The following DOCK3 variants were observed in gnomAD, a reference collection of about 807,000 sequenced individuals.
DOCK3 encodes the protein dedicator of cytokinesis 3, also known as dedicator of cytokinesis protein 3.
Under a neutral mutation model 265.6 loss-of-function variants are expected in DOCK3, and 60 were observed. The ratio of observed to expected loss-of-function variants is 0.23; its 90% CI spans 0.18 to 0.28. The LOEUF is 0.28. Among genes scored for constraint, DOCK3 ranks in the 10% least tolerant of loss-of-function variants. The pLI, the probability that DOCK3 is intolerant of heterozygous loss-of-function variation, is 1.00. For synonymous variants in DOCK3, 881 were observed against 938.0 expected, an observed-to-expected ratio of 0.94 and a Z score of 1.11; for missense variants, 1,981 against 2,594.3, an observed-to-expected ratio of 0.76 and a Z score of 5.14.
chr3:50,946,097 A>AT (rs1200561753), intron 5 of DOCK3, among the ~76,000 whole-genome samples: 3 of 147,380 alleles, frequency 2.0e-5, no homozygotes, highest in African/African-American at 7.5e-5. Flanking sequence ...CATCTCTTAA[A>AT]AAAAAAAAAA....
At chr3:50,963,480 A>G in intron 5 of DOCK3, among the ~76,000 whole-genome samples, 1 of 152,240 alleles carries the variant, frequency 6.6e-6, no homozygotes, top group African/African-American at 2.4e-5. Flanking sequence ...ATAACACATC[A>G]TGACCAAATA....
chr3:51,341,503 GGTGCCTATCTAT>G lies in DOCK3; in HGVS notation c.3915+126_3915+137del, dbSNP rs1163800364. On this transcript the variant is annotated intron_variant, in intron 38 of 52. Transcript: ENST00000266037. ...TAGTGTGTGGGGTGGTGAGTGGGTG[GGTGCCTATCTAT>G]GTGCCTAAGATGTGGAGGCAGCATG... 4.2e-6 allele frequency: 6 copies of G among 1,426,150 alleles called. No individual in the cohort carries two copies. In the African/African-American group the frequency reaches 8.5e-5, roughly 20 times the overall value. 88.3% of individuals were successfully genotyped at this position (1,426,150 alleles called of 1,614,324 possible).
intron 14 of DOCK3, among the ~76,000 whole-genome samples, chr3:51,221,335 A>G (rs933696082): frequency 1.3e-5 from 2 of 152,190 alleles, no homozygotes; most frequent in African/African-American, 2.4e-5. Context: ...TTCTTCACAC[A>G]TAAACGTTCC....
intron 5 of DOCK3, among the ~76,000 whole-genome samples, chr3:50,982,339 C>T (rs1249208363): frequency 2.0e-5 from 3 of 151,948 alleles, no homozygotes; most frequent in African/African-American, 7.3e-5. Flanking sequence ...TTATTTCTTC[C>T]TGTATTTTTG....
At chr3:51,280,762 A>G (rs147425054) in intron 27 of DOCK3, among the ~76,000 whole-genome samples, 13 of 152,284 alleles carry the variant, frequency 8.5e-5, no homozygotes, top group Non-Finnish European at 1.8e-4. Flanking sequence ...TTCATAATAT[A>G]AAACACCTGT....
chr3:50,862,979 G>A (rs1295508609), intron 3 of DOCK3, among the ~76,000 whole-genome samples: 1 of 152,208 alleles, frequency 6.6e-6, no homozygotes, highest in Non-Finnish European at 1.5e-5. Context: ...AGCAGTTAGG[G>A]TGGGAGAGGG....
intron 5 of DOCK3, 33 bp from the exon 6 acceptor site, chr3:51,064,415 G>A (rs768289843): frequency 1.9e-6 from 3 of 1,611,080 alleles, no homozygotes; most frequent in Non-Finnish European, 2.5e-6. Flanking sequence ...CATGTCTCTT[G>A]TATTTCACCC....
At chr3:51,069,705 A>G (rs1056082981) in intron 6 of DOCK3, among the ~76,000 whole-genome samples, 9 of 151,762 alleles carry the variant, frequency 5.9e-5, no homozygotes, top group Non-Finnish European at 7.4e-5. Context: ...TAACCCATCT[A>G]TATCTCTTTC....
chr3:51,211,102 C>T (rs1380226757), intron 13 of DOCK3, among the ~76,000 whole-genome samples: 1 of 152,108 alleles, frequency 6.6e-6, no homozygotes, highest in African/African-American at 2.4e-5. Flanking sequence ...ATTTCCATAT[C>T]TTGGGCTGAC....
chr3:51,064,090 C>T (rs762947410), intron 5 of DOCK3, among the ~76,000 whole-genome samples: 15 of 152,166 alleles, frequency 9.9e-5, no homozygotes, highest in Non-Finnish European at 2.1e-4. Context: ...GAAATTTTTG[C>T]TTTTATGTGA....
At chr3:50,974,524 G>T (rs1324137185) in intron 5 of DOCK3, among the ~76,000 whole-genome samples, 1 of 151,856 alleles carries the variant, frequency 6.6e-6, no homozygotes, top group Non-Finnish European at 1.5e-5. Flanking sequence ...CCAGTAGCAT[G>T]CTGTTTTGGT....
chr3:51,223,100 A>G lies in DOCK3; in HGVS notation c.1253-2549A>G, dbSNP rs544991401. Among the ~76,000 whole-genome samples, 51 of 152,270 alleles carry G rather than the reference A, an allele frequency of 3.3e-4. 1 individual carries two copies. In the South Asian group the frequency reaches 1.0e-2, roughly 30 times the overall value. On this transcript the variant is annotated intron_variant, in intron 14 of 52. Transcript: ENST00000266037. ...ACTACAGGTGTACACTACCATGTTT[A>G]GCTAATTTTAAAAAATTTGTTTTGA...
chr3:51,328,825 A>G (rs2084325920), intron 32 of DOCK3, among the ~76,000 whole-genome samples: 1 of 152,320 alleles, frequency 6.6e-6, no homozygotes, highest in Non-Finnish European at 1.5e-5. Context: ...GTTTATATGA[A>G]ATAATAAATA....
intron 5 of DOCK3, among the ~76,000 whole-genome samples, chr3:51,002,559 A>T (rs2108697470): frequency 6.6e-6 from 1 of 152,354 alleles, no homozygotes; most frequent in South Asian, 2.1e-4. Flanking sequence ...TAAGTTGTAT[A>T]GTCTTATAAC....
rs1394180804 is a variant in DOCK3, at chr3:50,774,149, A to T, written c.38-4526A>T. On this transcript the variant is annotated intron_variant, in intron 1 of 52. Coordinates refer to ENST00000266037, the MANE Select transcript of DOCK3 (RefSeq NM_004947.5). ...ACTCATGGTATATACATTTTTTCACAGCTTGTTTTCTTTACAACTGAGAGG... is the reference window on the plus strand; with the variant it reads ...ACTCATGGTATATACATTTTTTCACTGCTTGTTTTCTTTACAACTGAGAGG... Among the ~76,000 whole-genome samples, 3 of 152,098 alleles carry T rather than the reference A, an allele frequency of 2.0e-5. 1 individual carries two copies. Among genetic ancestry groups the T allele is most frequent in the East Asian group, 1.9e-4 (1 of 5,182 alleles).
At chr3:51,220,392 C>T (rs765440698) in intron 14 of DOCK3, among the ~76,000 whole-genome samples, 4 of 151,856 alleles carry the variant, frequency 2.6e-5, no homozygotes, top group Middle Eastern at 3.2e-3. Context: ...TGCGGTGGCT[C>T]ACGTGTGTAA....
intron 26 of DOCK3, 31 bp from the exon 27 acceptor site, chr3:51,280,075 A>G (rs368069850): frequency 1.3e-6 from 2 of 1,597,936 alleles, no homozygotes; most frequent in African/African-American, 1.3e-5. Flanking sequence ...GCAATTGGCC[A>G]TGCTAAGTGT....
intron 4 of DOCK3, among the ~76,000 whole-genome samples, chr3:50,928,132 T>G (rs1027411407): frequency 1.1e-4 from 3 of 28,420 alleles, no homozygotes; most frequent in Non-Finnish European, 1.6e-4. Flanking sequence ...TGTGATGATA[T>G]ATATATATAT....
chr3:50,955,194 G>T (rs1180521153), intron 5 of DOCK3, among the ~76,000 whole-genome samples: 1 of 152,172 alleles, frequency 6.6e-6, no homozygotes, highest in African/African-American at 2.4e-5. Context: ...ACAGATGCTG[G>T]CAAGGTTGTG....
Sources: allele counts gnomAD v4.1 joint callset (sites outside exome capture counted in the v4.1 genomes callset), GRCh38; gene constraint gnomAD v4.1.1; transcripts MANE v1.5; gene names NCBI Gene and HGNC (gene_info 2026-07-23, HGNC 2026-07-21).